PLCG1: variants seen among roughly 807,000 people sequenced by gnomAD.
PLCG1 encodes 1-phosphatidylinositol 4,5-bisphosphate phosphodiesterase gamma-1.
In PLCG1, 71 loss-of-function variants were observed where a neutral mutation model predicts 177.8. That is an observed-to-expected ratio of 0.40 (90% CI 0.33 to 0.49). The LOEUF is 0.49. Among genes scored for constraint, PLCG1 ranks in the 20% least tolerant of loss-of-function variants. PLCG1 has a pLI of 0.72. For missense variants in PLCG1, 1,281 were observed against 1,709.0 expected (o/e 0.75, Z 4.42); for synonymous variants, 658 against 647.9 (o/e 1.02, Z -0.24).
In PLCG1 at chr20:41,151,404, G is replaced by C. The variant is rs1161996619; in HGVS notation, c.218-8202G>C. Among the ~76,000 whole-genome samples the C allele has an allele frequency of 1.3e-5, 2 of 152,222 alleles. No homozygotes were observed. Among genetic ancestry groups the C allele is most frequent in the African/African-American group, 4.8e-5 (2 of 41,454 alleles). On this transcript the variant is annotated intron_variant, in intron 1 of 31. Transcript: ENST00000685551. The surrounding 1 kb of genome is among the most constrained non-coding windows in gnomAD (Gnocchi z 5.5). ...AGCTTGTCCAACTCGCTGCCCGCGGGTCTGGTTTGAAGGCAGCTGCTGCAC... is the reference window on the plus strand; with the variant it reads ...AGCTTGTCCAACTCGCTGCCCGCGGCTCTGGTTTGAAGGCAGCTGCTGCAC...
Position 41,163,120 on chromosome 20 carries a change from T to C in PLCG1, c.717-83T>C. 6.7e-7 allele frequency: 1 copy of C among 1,495,526 alleles called. No homozygotes were observed. Among genetic ancestry groups the C allele is most frequent in the Non-Finnish European group, 9.2e-7 (1 of 1,081,650 alleles). The allele number at this position is 1,495,526 out of a possible 1,614,324, so 92.6% of individuals were successfully genotyped here. On this transcript the variant is annotated intron_variant, in intron 7 of 31. Transcript: ENST00000685551. The surrounding 1 kb of genome is among the most constrained non-coding windows in gnomAD (Gnocchi z 5.2). ...GCTGGACCATTCTGGGAAGCTGTGC[T>C]GGCTGGGAGTTGGGTTCTGCCTTCC...
rs2035078745 is a variant in PLCG1, at chr20:41,148,920, CTTAGGTAAG to C, written c.218-10682_218-10674del. Among the ~76,000 whole-genome samples, 1 of 152,210 alleles carries C rather than the reference CTTAGGTAAG, an allele frequency of 6.6e-6. No homozygotes were observed. The highest frequency in any genetic ancestry group is 2.1e-4 in the South Asian group (1 of 4,832). Reference sequence around the variant, plus strand: ...GGCTTTGCCACTCACCAACTGCCACCTTAGGTAAGTTAATTAACCTCTTTGTGCTCAATT... The same window carrying C: ...GGCTTTGCCACTCACCAACTGCCACCTTAATTAACCTCTTTGTGCTCAATT... On this transcript the variant is annotated intron_variant, in intron 1 of 31. Transcript: ENST00000685551. The surrounding 1 kb of genome is among the most constrained non-coding windows in gnomAD (Gnocchi z 4.3).
chr20:41,165,766 A>C lies in PLCG1; in HGVS notation c.1739A>C (p.Asp580Ala). The C allele has an allele frequency of 6.2e-7, 1 of 1,608,892 alleles. No homozygotes were observed. Among genetic ancestry groups the C allele is most frequent in the Non-Finnish European group, 8.5e-7 (1 of 1,176,030 alleles). The change falls in exon 16 of 32, where the codon GAC becomes GCC. Residue 580 changes from aspartate (D) to alanine (A), a missense_variant. Asp to Ala is a moderately radical substitution (Grantham distance 126). Around this residue, in one of 4 missense-constraint regions of PLCG1, gnomAD observed 723 missense variants for 1,030.0 expected, o/e 0.70. Transcript: ENST00000685551. The surrounding 1 kb of genome is among the most constrained non-coding windows in gnomAD (Gnocchi z 6.6). Reference protein sequence around the residue: ...TEYCIETGAPDGSFLVRESET... With the variant: ...TEYCIETGAPAGSFLVRESET... Reference sequence around the variant, plus strand: ...TACTGCATCGAGACCGGAGCCCCTGACGGCTCCTTCCTCGTGCGAGAGAGT... The same window carrying C: ...TACTGCATCGAGACCGGAGCCCCTGCCGGCTCCTTCCTCGTGCGAGAGAGT...
Position 41,146,772 on chromosome 20 carries a change from G to C in PLCG1, c.217+8914G>C, listed in dbSNP as rs1475908373. Among the ~76,000 whole-genome samples, 2 of 152,174 alleles carry C rather than the reference G, an allele frequency of 1.3e-5. No individual in the cohort carries two copies. Among genetic ancestry groups the C allele is most frequent in the Non-Finnish European group, 2.9e-5 (2 of 68,024 alleles). On this transcript the variant is annotated intron_variant, in intron 1 of 31. Transcript: ENST00000685551. The surrounding 1 kb of genome is among the most constrained non-coding windows in gnomAD (Gnocchi z 6.3). Reference sequence around the variant, plus strand: ...TGGCCTTGCCCATGGTAGGAGTCGGGTATTGACCACACTGGGTTCTGGCTG... The same window carrying C: ...TGGCCTTGCCCATGGTAGGAGTCGGCTATTGACCACACTGGGTTCTGGCTG...
chr20:41,137,832 G>A lies in PLCG1; in HGVS notation c.191G>A (p.Arg64Gln). 7.7e-7 allele frequency: 1 copy of A among 1,296,166 alleles called. No homozygotes were observed. Among genetic ancestry groups the A allele is most frequent in the East Asian group, 2.9e-5 (1 of 34,020 alleles). The allele number at this position is 1,296,166 out of a possible 1,614,324, so 80.3% of individuals were successfully genotyped here. ...KLETRQITWSRGADKIEGAID... is the reference protein window; with the variant it reads ...KLETRQITWSQGADKIEGAID... ...GAGACGCGCCAGATCACGTGGAGCC[G>A]GGGCGCCGACAAGATCGAGGGGGCC... The change falls in exon 1 of 32, where the codon CGG becomes CAG. Residue 64 changes from arginine (R) to glutamine (Q), a missense_variant. By Grantham distance (43) the Arg-to-Gln change is conservative. This residue lies in a region of PLCG1 where 374 missense variants were observed against 443.8 expected (regional missense o/e 0.84). Transcript: ENST00000685551. This position sits in a 1 kb window ranked among gnomAD's most constrained non-coding sequence, Gnocchi z 7.3.
rs1482833978 is a variant in PLCG1, at chr20:41,153,819, C to G, written c.218-5787C>G. ...ACTGAGGTATGAGAATCACTTGAAC[C>G]CCGGAGGCAGAGGTTGCAGTGAACC... On this transcript the variant is annotated intron_variant, in intron 1 of 31. Coordinates refer to ENST00000685551, the MANE Select transcript of PLCG1 (RefSeq NM_002660.3). The surrounding 1 kb of genome is among the most constrained non-coding windows in gnomAD (Gnocchi z 5.1). Among the ~76,000 whole-genome samples, 2 of 152,100 alleles carry G rather than the reference C, an allele frequency of 1.3e-5. No individual in the cohort carries two copies. The highest frequency in any genetic ancestry group is 2.4e-5 in the African/African-American group (1 of 41,400).
At position 41,166,311 on chromosome 20, in the gene PLCG1, C is replaced by T. The variant is rs142269365; in HGVS notation, c.1917C>T (p.Tyr639=). 2 of 1,614,034 alleles carry T rather than the reference C, an allele frequency of 1.2e-6. No individual in the cohort carries two copies. Among genetic ancestry groups the T allele is most frequent in the African/African-American group, 1.3e-5 (1 of 74,946 alleles). Residue 639 remains tyrosine (Y), a synonymous_variant, in exon 17 of 32, where the codon TAC becomes TAT. Coordinates refer to ENST00000685551, the MANE Select transcript of PLCG1 (RefSeq NM_002660.3). This position sits in a 1 kb window ranked among gnomAD's most constrained non-coding sequence, Gnocchi z 8.6. ...FDSLYDLITH[Y]QQVPLRCNEF... ...CCCTCTATGACCTCATCACGCACTA[C>T]CAGCAGGTGCCCCTGCGCTGTAATG...
rs1371980430 is a variant in PLCG1, at chr20:41,172,051, G to A, written c.2809-142G>A. The stretch of plus-strand genomic sequence containing the variant: ...ACAGAGCTCCCTCATTTACTGTTGG[G>A]TGTGGTGTCTGGAAGGTACAGGGGA... On this transcript the variant is annotated intron_variant, in intron 24 of 31. Coordinates refer to ENST00000685551, the MANE Select transcript of PLCG1 (RefSeq NM_002660.3). The surrounding 1 kb of genome is among the most constrained non-coding windows in gnomAD (Gnocchi z 7.0). 4.2e-6 allele frequency: 3 copies of A among 708,862 alleles called. No homozygotes were observed. The highest frequency in any genetic ancestry group is 3.5e-5 in the African/African-American group (2 of 57,000). The allele number at this position is 708,862 out of a possible 1,614,324, so 43.9% of individuals were successfully genotyped here.
intron 1 of PLCG1, among the ~76,000 whole-genome samples, chr20:41,154,833 G>A (rs2035269499): frequency 6.6e-6 from 1 of 152,220 alleles, no homozygotes; most frequent in Non-Finnish European, 1.5e-5. Flanking sequence ...TCCTGCAGAG[G>A]CAGGTTCTCA....
rs2035241934 is a variant in PLCG1 at position 41,153,932 on chromosome 20, C to G, written c.218-5674C>G. Among the ~76,000 whole-genome samples, 1 of 152,176 alleles carries G rather than the reference C, an allele frequency of 6.6e-6. No individual in the cohort carries two copies. Among genetic ancestry groups the G allele is most frequent in the South Asian group, 2.1e-4 (1 of 4,822 alleles). ...TTTCAGTGAAAGCATGTTTCATGTTCAGAAATTTGGGGTACTTTTGGTTAT... is the reference window on the plus strand; with the variant it reads ...TTTCAGTGAAAGCATGTTTCATGTTGAGAAATTTGGGGTACTTTTGGTTAT... On this transcript the variant is annotated intron_variant, in intron 1 of 31. Transcript: ENST00000685551. This position sits in a 1 kb window ranked among gnomAD's most constrained non-coding sequence, Gnocchi z 5.1.
rs918380250 is a variant in PLCG1, at chr20:41,176,038, A to G, written c.*1529A>G. On this transcript the variant is annotated 3_prime_UTR_variant, in exon 32 of 32. Coordinates refer to ENST00000685551, the MANE Select transcript of PLCG1 (RefSeq NM_002660.3). The stretch of plus-strand genomic sequence containing the variant: ...AGTTCCACAGAAACCTCTCCTTTCA[A>G]AAATGTTGCATTCAGTTCGTTAACA... 2 of 152,142 alleles carry G rather than the reference A, an allele frequency of 1.3e-5. No homozygotes were observed. The highest frequency in any genetic ancestry group is 2.9e-5 in the Non-Finnish European group (2 of 68,034). 9.4% of individuals were successfully genotyped at this position (152,142 alleles called of 1,614,324 possible).
At chr20:41,169,770 T>C (rs2035832967) in intron 23 of PLCG1, 3 of 577,744 alleles carry the variant, frequency 5.2e-6, no homozygotes, top group East Asian at 5.7e-5. Context: ...CAGAACAAAG[T>C]TGATGCTGCT....
At chr20:41,138,414 G>C (rs999465504) in intron 1 of PLCG1, among the ~76,000 whole-genome samples, 2 of 152,260 alleles carry the variant, frequency 1.3e-5, no homozygotes, top group South Asian at 2.1e-4. Context: ...ATCTCCCTCT[G>C]GGGGAGAGGG....
Position 41,172,405 on chromosome 20 carries a change from T to C in PLCG1, c.2906-16T>C, listed in dbSNP as rs753782376. The C allele has an allele frequency of 1.9e-6, 3 of 1,612,082 alleles. No homozygotes were observed. The highest frequency in any genetic ancestry group is 2.2e-5 in the South Asian group (2 of 91,046). The stretch of plus-strand genomic sequence containing the variant: ...GGGTGGGCGGGCTCTGTAAGTGTTT[T>C]CCCTGTTTGGCCCAGAGATTGGCAC... On this transcript the variant is annotated splice_polypyrimidine_tract_variant and intron_variant, in intron 25 of 31. Coordinates refer to ENST00000685551, the MANE Select transcript of PLCG1 (RefSeq NM_002660.3). The surrounding 1 kb of genome is among the most constrained non-coding windows in gnomAD (Gnocchi z 7.0).
Position 41,172,788 on chromosome 20 carries a change from C to A in PLCG1, c.3190C>A (p.Leu1064Met). The A allele has an allele frequency of 6.2e-7, 1 of 1,614,182 alleles. No homozygotes were observed. Residue 1064 changes from leucine to methionine, a missense_variant, in exon 27 of 32, where the codon CTG becomes ATG. Physicochemically the swap from Leu to Met is conservative, Grantham distance 15. Transcript: ENST00000685551. This position sits in a 1 kb window ranked among gnomAD's most constrained non-coding sequence, Gnocchi z 7.0. ...FMTGRHCGYV[L>M]QPSTMRDEAF... ...GACGGGCAGGCACTGTGGCTACGTG[C>A]TGCAGCCAAGCACCATGCGGGATGA...
Position 41,173,277 on chromosome 20 carries a change from C to T in PLCG1, c.3280-143C>T, listed in dbSNP as rs183196982. 9 of 812,360 alleles carry T rather than the reference C, an allele frequency of 1.1e-5. No individual in the cohort carries two copies. The highest frequency in any genetic ancestry group is 3.7e-4 in the Middle Eastern group (1 of 2,684). 50.3% of individuals were successfully genotyped at this position (812,360 alleles called of 1,614,324 possible). A position where few individuals can be genotyped will look rare whatever the true frequency, so the allele number is the denominator to read the frequency against. ...CTGGACAGCTTAGGGTCCCTGATGT[C>T]GTGAGGGACTCCATGGGCAGTGTCC... is the stretch of plus-strand genomic sequence containing the variant. On this transcript the variant is annotated intron_variant, in intron 27 of 31. Transcript: ENST00000685551. The surrounding 1 kb of genome is among the most constrained non-coding windows in gnomAD (Gnocchi z 6.2).
rs758487385 is a variant in PLCG1 at position 41,174,104 on chromosome 20, T to C, written c.3646-20T>C. ...TGCAGAGGAGTCATTGACCCTCTTGTGCACCTGGCTTCGTTGAAGCAGGAG... is the reference window on the plus strand; with the variant it reads ...TGCAGAGGAGTCATTGACCCTCTTGCGCACCTGGCTTCGTTGAAGCAGGAG... On this transcript the variant is annotated intron_variant, in intron 30 of 31. Transcript: ENST00000685551. This position sits in a 1 kb window ranked among gnomAD's most constrained non-coding sequence, Gnocchi z 5.8. 1.9e-6 allele frequency: 3 copies of C among 1,612,546 alleles called. No homozygotes were observed. The Admixed American group carries it at 5.0e-5, about 27-fold the overall frequency.
At chr20:41,140,858 G>T (rs2034800015) in intron 1 of PLCG1, among the ~76,000 whole-genome samples, 1 of 152,226 alleles carries the variant, frequency 6.6e-6, no homozygotes, top group African/African-American at 2.4e-5. Flanking sequence ...AATGGAAATG[G>T]AGAATCGTTT....
At chr20:41,162,274 G>T in intron 4 of PLCG1, 178 bp from the exon 5 acceptor site, 3 of 205,254 alleles carry the variant, frequency 1.5e-5, no homozygotes, top group East Asian at 1.3e-4. Context: ...GAGGAACTGA[G>T]GTCCAAAGAA....
Sources: allele counts gnomAD v4.1 joint callset (sites outside exome capture counted in the v4.1 genomes callset), GRCh38; gene constraint gnomAD v4.1.1; regional missense constraint gnomAD v4.1.1; non-coding constraint Gnocchi (gnomAD v3.1); transcripts MANE v1.5; gene names NCBI Gene and HGNC (gene_info 2026-07-23, HGNC 2026-07-21).